The following ALMS1 variants were observed in gnomAD, a reference collection of about 807,000 sequenced individuals.
ALMS1 encodes centrosome-associated protein ALMS1.
A neutral mutation model predicts 352.2 loss-of-function variants in ALMS1; 271 were observed. The observed-to-expected ratio is 0.77, with a 90% CI of 0.70 to 0.85. The LOEUF (loss-of-function observed/expected upper bound fraction) is 0.85. Among genes scored for constraint, ALMS1 ranks in the 40% least tolerant of loss-of-function variants. The pLI is 0.00. For synonymous variants in ALMS1, 1,865 were observed against 1,761.2 expected, an observed-to-expected ratio of 1.06 and a Z score of -1.48; for missense variants, 5,445 against 4,870.7, an observed-to-expected ratio of 1.12 and a Z score of -3.51.
At chr2:73,467,931 G>A (rs1191728599) in intron 9 of ALMS1, among the ~76,000 whole-genome samples, 1 of 152,028 alleles carries the variant, frequency 6.6e-6, no homozygotes, top group Non-Finnish European at 1.5e-5. Context: ...GGAGTCAGGT[G>A]TGTGGTATTG....
intron 9 of ALMS1, among the ~76,000 whole-genome samples, chr2:73,461,302 A>G (rs1013286536): frequency 2.6e-5 from 4 of 152,190 alleles, no homozygotes; most frequent in African/African-American, 9.7e-5. Context: ...TTCTACAGTC[A>G]CTGCTGTTGT....
intron 3 of ALMS1, 71 bp from the exon 4 acceptor site, chr2:73,422,786 A>C: frequency 3.9e-6 from 5 of 1,272,260 alleles, no homozygotes; most frequent in Non-Finnish European, 4.6e-6. Context: ...TAGGTGCTTT[A>C]AAGTATTATA....
Position 73,451,474 on chromosome 2 carries a change from A to G in ALMS1, c.4947A>G (p.Gly1649=). Residue 1649 remains glycine (G), a synonymous_variant, in exon 8 of 23, where the codon GGA becomes GGG. Transcript: ENST00000613296. ...KEVVKVSAAP[G]PADQKTETLP... ...TTGTGAAAGTTTCAGCTGCTCCTGG[A>G]CCAGCTGACCAGAAGACTGAGACAT... 1 of 1,614,054 alleles carries G rather than the reference A, an allele frequency of 6.2e-7. No homozygotes were observed. The highest frequency in any genetic ancestry group is 8.5e-7 in the Non-Finnish European group (1 of 1,179,978).
At chr2:73,408,481 A>G in intron 1 of ALMS1, 141 bp from the exon 2 acceptor site, 2 of 975,794 alleles carry the variant, frequency 2.0e-6, no homozygotes, top group South Asian at 1.4e-5. Flanking sequence ...AATAGCTTGT[A>G]TAATGGTTGT....
intron 9 of ALMS1, among the ~76,000 whole-genome samples, chr2:73,477,414 AG>A (rs1397954929): frequency 6.6e-6 from 1 of 152,078 alleles, no homozygotes; most frequent in African/African-American, 2.4e-5. Flanking sequence ...GACATCGGAA[AG>A]AGTGAGTCCT....
chr2:73,409,534 A>G (rs1209066294), intron 2 of ALMS1, among the ~76,000 whole-genome samples: 1 of 152,228 alleles, frequency 6.6e-6, no homozygotes, highest in Non-Finnish European at 1.5e-5. Flanking sequence ...TTTATTTTGA[A>G]AGAACAAACC....
chr2:73,591,010 A>G (rs1473742551), intron 16 of ALMS1, among the ~76,000 whole-genome samples: 3 of 151,708 alleles, frequency 2.0e-5, no homozygotes, highest in African/African-American at 4.8e-5. Flanking sequence ...TGGTCTTGCT[A>G]TGTTGCCCAG....
At position 73,448,077 on chromosome 2, in the gene ALMS1, T is replaced by C. The variant is rs1447075388; in HGVS notation, c.1550T>C (p.Leu517Pro). ...CATTTATCCTTGTCCCTTGAGGACC[T>C]GTCTCAGTTGGCTGTAAGTTCTCCT... Reference protein sequence around the residue: ...GSHLSLSLEDLSQLAVSSPLE... With the variant: ...GSHLSLSLEDPSQLAVSSPLE... The change falls in exon 8 of 23, where the codon CTG becomes CCG. Residue 517 changes from leucine to proline, a missense_variant. Transcript: ENST00000613296. 6.2e-7 allele frequency: 1 copy of C among 1,607,890 alleles called. No individual in the cohort carries two copies. Among genetic ancestry groups the C allele is most frequent in the Admixed American group, 1.7e-5 (1 of 59,518 alleles).
intron 15 of ALMS1, among the ~76,000 whole-genome samples, chr2:73,568,541 C>T (rs558838014): frequency 2.0e-4 from 30 of 152,214 alleles, no homozygotes; most frequent in African/African-American, 7.2e-4. Context: ...TTTGTAGATG[C>T]ACAAAATCTT....
intron 6 of ALMS1, 84 bp downstream of exon 6, chr2:73,426,637 T>C (rs1317936106): frequency 1.4e-6 from 2 of 1,385,496 alleles, no homozygotes; most frequent in Non-Finnish European, 2.0e-6. Flanking sequence ...GTTTTTATTT[T>C]ACTTTTTACT....
At chr2:73,391,424 G>A (rs539014430) in intron 1 of ALMS1, among the ~76,000 whole-genome samples, 33 of 150,070 alleles carry the variant, frequency 2.2e-4, no homozygotes, top group Non-Finnish European at 4.4e-4. Flanking sequence ...CTCCCGAGTA[G>A]CTGCGACTAC....
intron 11 of ALMS1, among the ~76,000 whole-genome samples, chr2:73,529,580 G>A (rs1284495473): frequency 2.6e-5 from 4 of 152,112 alleles, no homozygotes; most frequent in African/African-American, 9.7e-5. Flanking sequence ...GAATTCAAAG[G>A]GAGTTGGGTG....
At chr2:73,458,404 A>G (rs1297476524) in intron 9 of ALMS1, 2 of 152,222 alleles carry the variant, frequency 1.3e-5, no homozygotes, top group South Asian at 2.1e-4. Context: ...CCAAAAATAC[A>G]TATTGAATGC....
chr2:73,423,711 AGTTACT>A (rs958880810), intron 4 of ALMS1, among the ~76,000 whole-genome samples: 132 of 152,260 alleles, frequency 8.7e-4, no homozygotes, highest in Non-Finnish European at 1.1e-3. Context: ...CTAATGATTA[AGTTACT>A]GTTGTGTTTT....
intron 16 of ALMS1, among the ~76,000 whole-genome samples, chr2:73,579,431 G>A (rs1416504738): frequency 6.6e-6 from 1 of 151,656 alleles, no homozygotes; most frequent in African/African-American, 2.4e-5. Flanking sequence ...CGTGATCTTG[G>A]CTCACTGCAA....
At chr2:73,551,797 T>C (rs1674441293) in intron 13 of ALMS1, among the ~76,000 whole-genome samples, 1 of 152,166 alleles carries the variant, frequency 6.6e-6, no homozygotes, top group Non-Finnish European at 1.5e-5. Flanking sequence ...TTGTAGCTGA[T>C]AGATGATAAT....
At chr2:73,414,398 G>A (rs1364590100) in intron 2 of ALMS1, among the ~76,000 whole-genome samples, 1 of 149,816 alleles carries the variant, frequency 6.7e-6, no homozygotes, top group Non-Finnish European at 1.5e-5. Context: ...ATTTCCTTTA[G>A]GACTTTATAT....
rs180747750 is a variant in ALMS1 at position 73,431,371 on chromosome 2, A to G, written c.1339-827A>G. Among the ~76,000 whole-genome samples, 11 of 152,348 alleles carry G rather than the reference A, an allele frequency of 7.2e-5. No homozygotes were observed. In the East Asian group the frequency reaches 2.1e-3, roughly 29 times the overall value. The stretch of plus-strand genomic sequence containing the variant: ...TTGATGAAAGAGGATAGAAAAATTC[A>G]TGCTTATGTACATTTTTAGACTTCA... On this transcript the variant is annotated intron_variant, in intron 6 of 22. Transcript: ENST00000613296.
intron 12 of ALMS1, among the ~76,000 whole-genome samples, chr2:73,545,184 T>TGG (rs1558688928): frequency 6.6e-6 from 1 of 150,938 alleles, no homozygotes; most frequent in African/African-American, 2.4e-5. Flanking sequence ...TTTTGTGGTT[T>TGG]TTTTTTTTTT....
Sources: allele counts gnomAD v4.1 joint callset (sites outside exome capture counted in the v4.1 genomes callset), GRCh38; gene constraint gnomAD v4.1.1; transcripts MANE v1.5; gene names NCBI Gene and HGNC (gene_info 2026-07-23, HGNC 2026-07-21).